Variants in LRRC61 observed in about 807,000 individuals in gnomAD.
LRRC61 encodes the protein leucine-rich repeat-containing protein 61.
Under a neutral mutation model 15.1 loss-of-function variants are expected in LRRC61, and 9 were observed. The observed-to-expected ratio is 0.60, with a 90% CI of 0.36 to 1.04. LRRC61 has a LOEUF of 1.04. Ranked by LOEUF, LRRC61 falls within the 50% of genes least tolerant of loss-of-function variation. The pLI is 0.01. For synonymous variants in LRRC61, 173 were observed against 158.6 expected (o/e 1.09, Z -0.68); for missense variants, 344 against 335.6 (o/e 1.03, Z -0.20).
chr7:150,322,461 G>A (rs113973101), upstream of LRRC61, among the ~76,000 whole-genome samples: 24 of 152,310 alleles, frequency 1.6e-4, no homozygotes, highest in African/African-American at 5.1e-4. Context: ...TAATTATAAT[G>A]CATTAGCATG....
At position 150,333,585 on chromosome 7, in the gene LRRC61, C is replaced by T. The variant is rs956129479; in HGVS notation, c.-144-3133C>T. On this transcript the variant is annotated intron_variant, in intron 2 of 2. Transcript: ENST00000359623. This position sits in a 1 kb window ranked among gnomAD's most constrained non-coding sequence, Gnocchi z 4.3. Reference sequence around the variant, plus strand: ...TCATTTCCCAGGCAGAAGACACTCACCAACGCCTGGGACCATCTTCCCTGG... The same window carrying T: ...TCATTTCCCAGGCAGAAGACACTCATCAACGCCTGGGACCATCTTCCCTGG... Among the ~76,000 whole-genome samples, 1 of 152,244 alleles carries T rather than the reference C, an allele frequency of 6.6e-6. No individual in the cohort carries two copies. The highest frequency in any genetic ancestry group is 2.4e-5 in the African/African-American group (1 of 41,464).
chr7:150,318,411 C>A (rs1042630978), upstream of LRRC61, among the ~76,000 whole-genome samples: 2 of 152,122 alleles, frequency 1.3e-5, no homozygotes, highest in African/African-American at 4.8e-5. Flanking sequence ...TTTAGGCTAC[C>A]CTGTTTGTGG....
the LRRC61 span, among the ~76,000 whole-genome samples, chr7:150,315,955 C>T: frequency 6.6e-5 from 10 of 152,194 alleles, no homozygotes; most frequent in South Asian, 1.0e-3. Flanking sequence ...CCCAGCACTT[C>T]GGGAGGCCGA....
chr7:150,311,945 A>C, the LRRC61 span, among the ~76,000 whole-genome samples: 1 of 152,224 alleles, frequency 6.6e-6, no homozygotes, highest in Non-Finnish European at 1.5e-5. Context: ...GGACTGAAAG[A>C]GGTTTTCTCA....
rs778235869 is a variant in LRRC61, at chr7:150,335,346, A to G, written c.-144-1372A>G. Among the ~76,000 whole-genome samples, 6 of 152,252 alleles carry G rather than the reference A, an allele frequency of 3.9e-5. No homozygotes were observed. Among genetic ancestry groups the G allele is most frequent in the Non-Finnish European group, 7.3e-5 (5 of 68,050 alleles). On this transcript the variant is annotated intron_variant, in intron 2 of 2. Transcript: ENST00000359623. This position sits in a 1 kb window ranked among gnomAD's most constrained non-coding sequence, Gnocchi z 4.3. ...ATGCTTCCAGTCTCTTTTGGAAAGT[A>G]TATATAAATATTTGAGGTATAAATA...
At position 150,330,116 on chromosome 7, in the gene LRRC61, C is replaced by T. The variant is rs1400285562; in HGVS notation, c.-145+4106C>T. 2.1e-6 allele frequency: 1 copy of T among 481,672 alleles called. No individual in the cohort carries two copies. Among genetic ancestry groups the T allele is most frequent in the Non-Finnish European group, 3.7e-6 (1 of 269,558 alleles). The allele number at this position is 481,672 out of a possible 1,614,324, so 29.8% of individuals were successfully genotyped here. A position where few individuals can be genotyped will look rare whatever the true frequency, so the allele number is the denominator to read the frequency against. ...TGTGTCACCCTCACAGTGTCCAGAT[C>T]ATCCTGGGCACTGCCAGGGCCACCT... is the stretch of plus-strand genomic sequence containing the variant. On this transcript the variant is annotated intron_variant, in intron 2 of 2. Coordinates refer to ENST00000359623, the MANE Select transcript of LRRC61 (RefSeq NM_001142928.2). This position sits in a 1 kb window ranked among gnomAD's most constrained non-coding sequence, Gnocchi z 4.6.
At chr7:150,332,040 G>T (rs1563226798) in intron 2 of LRRC61, 1 of 167,100 alleles carries the variant, frequency 6.0e-6, no homozygotes, top group Non-Finnish European at 1.5e-5. Context: ...TTCCTCCAGT[G>T]ACAGCAGCCT....
chr7:150,311,707 A>G, the LRRC61 span, among the ~76,000 whole-genome samples: 1 of 152,114 alleles, frequency 6.6e-6, no homozygotes. Context: ...TAGTTTATTG[A>G]TGGCAGTTCC....
At chr7:150,314,966 TAATA>T in the LRRC61 span, among the ~76,000 whole-genome samples, 1 of 147,218 alleles carries the variant, frequency 6.8e-6, no homozygotes, top group Admixed American at 6.8e-5. Context: ...TAATAATAAA[TAATA>T]AATAGTATTA....
intron 2 of LRRC61, chr7:150,332,042 C>A (rs1358140435): frequency 1.2e-5 from 2 of 167,132 alleles, no homozygotes; most frequent in Admixed American, 6.5e-5. Flanking sequence ...CCTCCAGTGA[C>A]AGCAGCCTCA....
At chr7:150,311,000 C>T in the LRRC61 span, among the ~76,000 whole-genome samples, 2 of 152,116 alleles carry the variant, frequency 1.3e-5, no homozygotes, top group Non-Finnish European at 2.9e-5. Context: ...AGTTAATCTC[C>T]CAGGCCCCTA....
chr7:150,314,435 G>A, the LRRC61 span, among the ~76,000 whole-genome samples: 1 of 152,136 alleles, frequency 6.6e-6, no homozygotes, highest in Non-Finnish European at 1.5e-5. Context: ...CTACCTCAGG[G>A]TACTGATTGG....
chr7:150,323,875 G>C lies in LRRC61; in HGVS notation c.-315+315G>C, dbSNP rs117237552. 58 of 359,454 alleles carry C rather than the reference G, an allele frequency of 1.6e-4. 2 individuals carry two copies. In the East Asian group the frequency reaches 5.0e-3, roughly 31 times the overall value. 22.3% of individuals were successfully genotyped at this position (359,454 alleles called of 1,614,324 possible). A position where few individuals can be genotyped will look rare whatever the true frequency, so the allele number is the denominator to read the frequency against. On this transcript the variant is annotated intron_variant, in intron 1 of 2. Transcript: ENST00000359623. ...GGATCACGGCCGTGCTCAGAGACGG[G>C]CTCTGGATGCCATGCTCTGACTCCA...
At chr7:150,312,154 C>G in the LRRC61 span, among the ~76,000 whole-genome samples, 1 of 152,208 alleles carries the variant, frequency 6.6e-6, no homozygotes, top group African/African-American at 2.4e-5. Flanking sequence ...ATTCCAGCCC[C>G]CACTCCAGAA....
the LRRC61 span, among the ~76,000 whole-genome samples, chr7:150,312,376 G>A: frequency 1.3e-5 from 2 of 152,134 alleles, no homozygotes; most frequent in African/African-American, 2.4e-5. Flanking sequence ...CGTTCAGACC[G>A]CCACTCACAC....
At chr7:150,315,392 G>A in the LRRC61 span, among the ~76,000 whole-genome samples, 3 of 152,140 alleles carry the variant, frequency 2.0e-5, no homozygotes, top group African/African-American at 7.2e-5. Context: ...GAAGATGCTA[G>A]CAACGCCTAC....
chr7:150,312,588 C>T, the LRRC61 span, among the ~76,000 whole-genome samples: 2 of 152,110 alleles, frequency 1.3e-5, no homozygotes, highest in Non-Finnish European at 2.9e-5. Flanking sequence ...ATTCCAAACT[C>T]AAAAATATGC....
chr7:150,336,678 C>T (rs1798302421), intron 2 of LRRC61, 40 bp from the exon 3 acceptor site: 9 of 738,204 alleles, frequency 1.2e-5, no homozygotes, highest in Non-Finnish European at 2.0e-5. Context: ...CTGCGTAAGA[C>T]ACAGAAAGTG....
chr7:150,322,030 G>A (rs1486631897), upstream of LRRC61, among the ~76,000 whole-genome samples: 1 of 152,244 alleles, frequency 6.6e-6, no homozygotes, highest in Non-Finnish European at 1.5e-5. Flanking sequence ...TGGTGCACAT[G>A]TGGAACCAAC....
Sources: allele counts gnomAD v4.1 joint callset (sites outside exome capture counted in the v4.1 genomes callset), GRCh38; gene constraint gnomAD v4.1.1; non-coding constraint Gnocchi (gnomAD v3.1); transcripts MANE v1.5; gene names NCBI Gene and HGNC (gene_info 2026-07-23, HGNC 2026-07-21).